ROBO2: variants seen among roughly 807,000 people sequenced by gnomAD.
ROBO2 encodes roundabout homolog 2.
ROBO2 carries 53 observed loss-of-function variants against 160.8 expected under a neutral mutation model. That is an observed-to-expected ratio of 0.33 (90% CI 0.26 to 0.41). The LOEUF is 0.41. ROBO2 is among the 10% of genes least tolerant of loss of function. The probability of loss-of-function intolerance (pLI) is 1.00; values close to 1 mark genes in which losing one functional copy is unlikely to be tolerated. For missense variants in ROBO2, 1,577 were observed against 1,722.4 expected, an observed-to-expected ratio of 0.92 and a Z score of 1.49; for synonymous variants, 664 against 611.7, an observed-to-expected ratio of 1.09 and a Z score of -1.26.
intron 2 of ROBO2, among the ~76,000 whole-genome samples, chr3:77,291,279 C>T (rs1180575104): frequency 1.3e-5 from 2 of 151,772 alleles, no homozygotes; most frequent in Non-Finnish European, 2.9e-5. Context: ...GGCTAGATCA[C>T]CCCAGACATA....
chr3:76,095,454 A>G (rs1486465820), intron 2 of ROBO2, among the ~76,000 whole-genome samples: 1 of 152,148 alleles, frequency 6.6e-6, no homozygotes, highest in Admixed American at 6.5e-5. Flanking sequence ...CATCTGTGCA[A>G]AACCAAATAA....
intron 1 of ROBO2, among the ~76,000 whole-genome samples, chr3:77,076,032 T>C (rs1487735228): frequency 2.0e-5 from 3 of 151,846 alleles, no homozygotes; most frequent in Admixed American, 1.3e-4. Context: ...TTAAAATTAC[T>C]GTTCTTTGCT....
chr3:76,338,960 A>G (rs2074055351), intron 2 of ROBO2, among the ~76,000 whole-genome samples: 1 of 152,064 alleles, frequency 6.6e-6, no homozygotes, highest in African/African-American at 2.4e-5. Context: ...CATGACTTAA[A>G]TCTGAAAAAC....
At chr3:77,480,404 C>A (rs1260827213) in intron 3 of ROBO2, among the ~76,000 whole-genome samples, 2 of 151,894 alleles carry the variant, frequency 1.3e-5, no homozygotes, top group African/African-American at 4.8e-5. Flanking sequence ...AATATTATTG[C>A]ATTTGTTTTT....
chr3:76,882,100 GTGTGTGTGTGTGTC>G (rs922725572), intron 2 of ROBO2, among the ~76,000 whole-genome samples: 1 of 150,000 alleles, frequency 6.7e-6, no homozygotes, highest in Non-Finnish European at 1.5e-5. Context: ...GTGTGTGTGT[GTGTGTGTGTGTGTC>G]TGTGTGTGTG....
chr3:77,163,928 A>G (rs1342184331), intron 2 of ROBO2, among the ~76,000 whole-genome samples: 1 of 152,238 alleles, frequency 6.6e-6, no homozygotes, highest in African/African-American at 2.4e-5. Context: ...TGATATATTC[A>G]TATACACATA....
intron 2 of ROBO2, among the ~76,000 whole-genome samples, chr3:77,143,819 A>G (rs1465792876): frequency 1.3e-5 from 2 of 149,680 alleles, no homozygotes; most frequent in Non-Finnish European, 3.0e-5. Flanking sequence ...TTTTTTTCAT[A>G]TTTTTTAGTA....
intron 2 of ROBO2, among the ~76,000 whole-genome samples, chr3:76,188,715 G>A (rs1171831557): frequency 6.6e-6 from 1 of 152,016 alleles, no homozygotes; most frequent in Non-Finnish European, 1.5e-5. Flanking sequence ...AAACTCTATT[G>A]CACCTAAAGT....
At chr3:75,909,683 A>T (rs563969796) in intron 1 of ROBO2, among the ~76,000 whole-genome samples, 4 of 152,214 alleles carry the variant, frequency 2.6e-5, no homozygotes, top group Non-Finnish European at 5.9e-5. Context: ...CAAGCAGTGT[A>T]TGTGTGATAC....
At chr3:75,998,765 T>G (rs1368450105) in intron 2 of ROBO2, among the ~76,000 whole-genome samples, 1 of 152,194 alleles carries the variant, frequency 6.6e-6, no homozygotes, top group Non-Finnish European at 1.5e-5. Context: ...TTTCAAGATG[T>G]GTGAAAGAAA....
At chr3:75,920,482 G>A (rs1946987251) in intron 1 of ROBO2, among the ~76,000 whole-genome samples, 1 of 152,134 alleles carries the variant, frequency 6.6e-6, no homozygotes, top group African/African-American at 2.4e-5. Flanking sequence ...GTGCTATGTG[G>A]TGCTGAGAAG....
chr3:76,641,692 T>G (rs2090683328), intron 2 of ROBO2, among the ~76,000 whole-genome samples: 1 of 152,350 alleles, frequency 6.6e-6, no homozygotes, highest in African/African-American at 2.4e-5. Flanking sequence ...AGTGATATGG[T>G]AATTTTAACT....
At position 75,929,915 on chromosome 3, in the gene ROBO2, G is replaced by A. The variant is rs531268528; in HGVS notation, c.-13-7566G>A. ...TCACCATGTTGGCCAGGCTGGTCTC[G>A]AACTCCTGACCTCAGGTGATCTGCC... is the stretch of plus-strand genomic sequence containing the variant. On this transcript the variant is annotated intron_variant, in intron 1 of 26. Coordinates refer to the ROBO2 transcript ENST00000487694. 2.6e-5 allele frequency among the ~76,000 whole-genome samples: 4 copies of A among 152,138 alleles called. No individual in the cohort carries two copies. In the East Asian group the frequency reaches 7.8e-4, roughly 30 times the overall value.
chr3:77,419,137 A>G (rs887230725), intron 2 of ROBO2, among the ~76,000 whole-genome samples: 3 of 152,132 alleles, frequency 2.0e-5, no homozygotes, highest in Non-Finnish European at 2.9e-5. Context: ...GCAGAGAGAC[A>G]GATTCTATAA....
At chr3:77,360,191 G>A (rs79508155) in intron 2 of ROBO2, among the ~76,000 whole-genome samples, 1,649 of 152,112 alleles carry the variant, frequency 0.011, 16 homozygotes, top group Middle Eastern at 0.017. Context: ...AGGGCCGGCG[G>A]GGAGTGCTTA....
chr3:77,143,174 CTTTTTTTTTTTTTTTTTTT>C (rs10546673), intron 2 of ROBO2, among the ~76,000 whole-genome samples: 1 of 59,686 alleles, frequency 1.7e-5, no homozygotes, highest in African/African-American at 6.4e-5. Context: ...TAAACAGCAG[CTTTTTTTTTTTTTTTTTTT>C]TTTTTTTTTT....
At chr3:77,490,254 C>CTA (rs754613575) in intron 4 of ROBO2, among the ~76,000 whole-genome samples, 2 of 151,904 alleles carry the variant, frequency 1.3e-5, no homozygotes, top group East Asian at 1.9e-4. Context: ...GTGCCCGCCA[C>CTA]CGCCCCAGCT....
intron 6 of ROBO2, among the ~76,000 whole-genome samples, chr3:77,545,831 A>T (rs993757921): frequency 1.3e-5 from 2 of 152,044 alleles, no homozygotes; most frequent in Admixed American, 1.3e-4. Flanking sequence ...TCAACTCTTG[A>T]ATTCTAGATA....
chr3:76,024,424 T>C (rs936493918), intron 2 of ROBO2, among the ~76,000 whole-genome samples: 2 of 151,604 alleles, frequency 1.3e-5, no homozygotes, highest in Non-Finnish European at 3.0e-5. Flanking sequence ...TATTTTGTAC[T>C]ATTTTAAAAT....
Sources: gnomAD v4.1 joint callset for allele counts (sites outside exome capture counted in the v4.1 genomes callset) on GRCh38, gnomAD v4.1.1 for gene constraint, MANE v1.5 for transcripts, NCBI Gene and HGNC (gene_info 2026-07-23, HGNC 2026-07-21) for gene names.